Variants in LINGO2 observed in about 807,000 individuals in gnomAD.
LINGO2 encodes leucine-rich repeat and immunoglobulin-like domain-containing nogo receptor-interacting protein 2.
A neutral mutation model predicts 30.6 loss-of-function variants in LINGO2; 14 were observed. The ratio of observed to expected loss-of-function variants is 0.46; its 90% CI spans 0.30 to 0.72. The LOEUF (loss-of-function observed/expected upper bound fraction) is 0.72, where lower values mean the gene tolerates loss of function less well. Ranked by LOEUF, LINGO2 falls within the 30% of genes least tolerant of loss-of-function variation. The pLI is 0.07. For synonymous variants in LINGO2, 317 were observed against 288.5 expected, an observed-to-expected ratio of 1.10 and a Z score of -1.00; for missense variants, 729 against 751.7, an observed-to-expected ratio of 0.97 and a Z score of 0.35.
chr9:28,281,761 T>C (rs534899925), intron 4 of LINGO2, among the ~76,000 whole-genome samples: 12 of 150,812 alleles, frequency 8.0e-5, no homozygotes, highest in Admixed American at 7.2e-4. Flanking sequence ...ATCTGGCAGA[T>C]AGTTTACATC....
chr9:28,261,254 T>A (rs1412972466), intron 4 of LINGO2, among the ~76,000 whole-genome samples: 2 of 151,946 alleles, frequency 1.3e-5, no homozygotes, highest in Non-Finnish European at 1.5e-5. Context: ...AATTAGAGAA[T>A]TAAAAAATAT....
chr9:28,722,756 T>A, the LINGO2 span, among the ~76,000 whole-genome samples: 1 of 152,166 alleles, frequency 6.6e-6, no homozygotes, highest in African/African-American at 2.4e-5. Flanking sequence ...GGATGCTATC[T>A]TCTCCTCTAG....
chr9:28,034,520 AC>A (rs1823838117), intron 4 of LINGO2, among the ~76,000 whole-genome samples: 1 of 152,132 alleles, frequency 6.6e-6, no homozygotes, highest in South Asian at 2.1e-4. Context: ...TCAGCAACTC[AC>A]AAAGAACTCA....
At chr9:29,083,907 T>C in the LINGO2 span, among the ~76,000 whole-genome samples, 1 of 152,090 alleles carries the variant, frequency 6.6e-6, no homozygotes, top group Non-Finnish European at 1.5e-5. Context: ...AGTCTCATAG[T>C]AGGTATTATA....
the LINGO2 span, among the ~76,000 whole-genome samples, chr9:28,976,341 C>T: frequency 6.6e-6 from 1 of 152,198 alleles, no homozygotes; most frequent in East Asian, 1.9e-4. Flanking sequence ...AAATGTTATT[C>T]CCAAACCATC....
At chr9:28,145,553 C>T (rs540940399) in intron 4 of LINGO2, among the ~76,000 whole-genome samples, 13 of 152,146 alleles carry the variant, frequency 8.5e-5, no homozygotes, top group South Asian at 8.3e-4. Context: ...TTCTGAGATG[C>T]GCTTCTGACC....
chr9:28,422,600 G>A (rs182807347), intron 2 of LINGO2, among the ~76,000 whole-genome samples: 4 of 152,134 alleles, frequency 2.6e-5, no homozygotes, highest in Non-Finnish European at 4.4e-5. Context: ...CAGCTGCAAT[G>A]CAAAATATAT....
At chr9:28,174,898 C>CTG (rs66472807) in intron 4 of LINGO2, among the ~76,000 whole-genome samples, 4,356 of 141,024 alleles carry the variant, frequency 0.031, 90 homozygotes, top group African/African-American at 0.059. Context: ...ATTTGTGTCT[C>CTG]TGTGTGTGTG....
chr9:28,930,555 TTA>T, the LINGO2 span, among the ~76,000 whole-genome samples: 1 of 152,196 alleles, frequency 6.6e-6, no homozygotes, highest in African/African-American at 2.4e-5. The surrounding 1 kb of genome is among the most constrained non-coding windows in gnomAD (Gnocchi z 4.2). Context: ...GGGACCTGAA[TTA>T]TATGATTTGA....
chr9:28,233,061 T>TAA lies in LINGO2; in HGVS notation c.-87+62146_-87+62147insTT, dbSNP rs60875467. ...ATATATATATATATATATATATATATTAGATATATAATAGATATACAGTAA... is the reference window on the plus strand; with the variant it reads ...ATATATATATATATATATATATATATAATAGATATATAATAGATATACAGTAA... On this transcript the variant is annotated intron_variant, in intron 4 of 5. Coordinates refer to ENST00000379992, the Ensembl canonical transcript of LINGO2. Among the ~76,000 whole-genome samples the TAA allele has an allele frequency of 6.2e-4, 74 of 118,816 alleles. 3 individuals carry two copies. The highest frequency in any genetic ancestry group is 4.1e-3 in the Admixed American group (49 of 11,926). 77.9% of individuals were successfully genotyped at this position (118,816 alleles called of 152,430 possible).
the LINGO2 span, among the ~76,000 whole-genome samples, chr9:28,985,510 A>G: frequency 6.6e-6 from 1 of 152,080 alleles, no homozygotes; most frequent in African/African-American, 2.4e-5. Context: ...TTCTCTCCAC[A>G]TTATTCCCAG....
At chr9:28,692,880 CAAAATATG>C in the LINGO2 span, among the ~76,000 whole-genome samples, 3 of 152,130 alleles carry the variant, frequency 2.0e-5, no homozygotes, top group Admixed American at 6.5e-5. Context: ...CTTTTAAAAT[CAAAATATG>C]AACATGTTGT....
At chr9:28,791,647 C>G in the LINGO2 span, among the ~76,000 whole-genome samples, 5 of 151,700 alleles carry the variant, frequency 3.3e-5, 1 homozygote, top group Admixed American at 1.3e-4. Flanking sequence ...GAAATGAGAG[C>G]TGAAATAAAA....
In LINGO2 at chr9:28,414,613, A is replaced by G. The variant is rs531019518; in HGVS notation, c.-278-41745T>C. 1.7e-3 allele frequency among the ~76,000 whole-genome samples: 254 copies of G among 152,274 alleles called. 1 individual carries two copies. The highest frequency in any genetic ancestry group is 5.8e-3 in the African/African-American group (242 of 41,560). On this transcript the variant is annotated intron_variant, in intron 2 of 5. Coordinates refer to ENST00000379992, the Ensembl canonical transcript of LINGO2. ...TAAAACCTTTAGAGTCCCCGAAACT[A>G]ATAACATGCTGGACTGTTAAAATAT...
intron 1 of LINGO2, among the ~76,000 whole-genome samples, chr9:28,589,190 T>C (rs1273003344): frequency 6.6e-6 from 1 of 152,056 alleles, no homozygotes; most frequent in Non-Finnish European, 1.5e-5. Context: ...CCACAGCCAA[T>C]ATCATACTGA....
chr9:28,261,234 A>G (rs575182326), intron 4 of LINGO2, among the ~76,000 whole-genome samples: 17 of 152,118 alleles, frequency 1.1e-4, no homozygotes, highest in Middle Eastern at 6.8e-3. Context: ...TATATTATGT[A>G]AAGATGCAGA....
At chr9:29,016,485 T>G in the LINGO2 span, among the ~76,000 whole-genome samples, 1 of 152,172 alleles carries the variant, frequency 6.6e-6, no homozygotes, top group African/African-American at 2.4e-5. Flanking sequence ...TTCAACCTTT[T>G]ACCACAGATC....
intron 4 of LINGO2, among the ~76,000 whole-genome samples, chr9:28,025,311 G>T (rs980562515): frequency 6.6e-6 from 1 of 152,172 alleles, no homozygotes; most frequent in Non-Finnish European, 1.5e-5. Flanking sequence ...GATAATTTAT[G>T]TTGATTTGTT....
chr9:29,200,585 C>T, the LINGO2 span, among the ~76,000 whole-genome samples: 1 of 151,996 alleles, frequency 6.6e-6, no homozygotes, highest in African/African-American at 2.4e-5. Context: ...TTTCATAGCA[C>T]AAAGAGTTCT....
Sources: gnomAD v4.1 joint callset for allele counts (sites outside exome capture counted in the v4.1 genomes callset) on GRCh38, gnomAD v4.1.1 for gene constraint, Gnocchi (gnomAD v3.1) non-coding constraint, MANE v1.5 for transcripts, NCBI Gene and HGNC (gene_info 2026-07-23, HGNC 2026-07-21) for gene names.